Variants in AZIN2 observed in about 807,000 individuals in gnomAD.
AZIN2 encodes antizyme inhibitor 2.
In AZIN2, 28 loss-of-function variants were observed where a neutral mutation model predicts 47.8. The ratio of observed to expected loss-of-function variants is 0.59; its 90% CI spans 0.43 to 0.80. The LOEUF (loss-of-function observed/expected upper bound fraction) is 0.80. AZIN2 is among the 30% of genes least tolerant of loss of function. The pLI, the probability that AZIN2 is intolerant of heterozygous loss-of-function variation, is 0.00. For synonymous variants in AZIN2, 221 were observed against 239.4 expected (o/e 0.92, Z 0.71); for missense variants, 535 against 582.5 (o/e 0.92, Z 0.84).
chr1:33,165,332 C>CCAGA, the AZIN2 span: 1 of 707,640 alleles, frequency 1.4e-6, no homozygotes. The surrounding 1 kb of genome is among the most constrained non-coding windows in gnomAD (Gnocchi z 4.0). Context: ...CCCTGCCCTT[C>CCAGA]TCACTCCAGG....
At chr1:33,160,493 C>T in the AZIN2 span, among the ~76,000 whole-genome samples, 340 of 152,214 alleles carry the variant, frequency 2.2e-3, 3 homozygotes, top group East Asian at 0.037. Flanking sequence ...CAACCTCCAC[C>T]TCCTGGGTTC....
downstream of AZIN2, among the ~76,000 whole-genome samples, chr1:33,125,203 G>C (rs1330839961): frequency 6.6e-6 from 1 of 152,176 alleles, no homozygotes; most frequent in Non-Finnish European, 1.5e-5. Context: ...AGGGAACAAA[G>C]GGGAGGCAAG....
chr1:33,101,009 G>A (rs966827177), intron 10 of AZIN2, among the ~76,000 whole-genome samples: 1 of 151,976 alleles, frequency 6.6e-6, no homozygotes, highest in Non-Finnish European at 1.5e-5. Flanking sequence ...TTACAGGTGT[G>A]TGCCACCATG....
the AZIN2 span, among the ~76,000 whole-genome samples, chr1:33,162,455 A>C: frequency 6.6e-6 from 1 of 152,090 alleles, no homozygotes; most frequent in Non-Finnish European, 1.5e-5. Flanking sequence ...ATTGTCCCAC[A>C]TTTTCTGTCT....
At chr1:33,142,893 A>C in the AZIN2 span, 1 of 151,930 alleles carries the variant, frequency 6.6e-6, no homozygotes, top group African/African-American at 2.4e-5. Flanking sequence ...CCCTGCTCAA[A>C]CACTGAGATA....
At chr1:33,098,432 G>A (rs974897269) in intron 10 of AZIN2, among the ~76,000 whole-genome samples, 1 of 152,158 alleles carries the variant, frequency 6.6e-6, no homozygotes, top group Non-Finnish European at 1.5e-5. Context: ...TATATGGGGT[G>A]TAGCTCTTTC....
rs1350411569 is a variant in AZIN2 at position 33,093,310 on chromosome 1, T to C, written c.481T>C (p.Ser161Pro). ...KMVLCIATDDSHSLSCLSLKF... is the reference protein window; with the variant it reads ...KMVLCIATDDPHSLSCLSLKF... ...GGTTCTGTGCATTGCTACCGATGAC[T>C]CCCACTCCCTGAGCTGCCTGAGCCT... Residue 161 changes from serine to proline, a missense_variant, in exon 7 of 12, where the codon TCC (serine) becomes CCC (proline). This residue lies in a region of AZIN2 where 409 missense variants were observed against 429.0 expected (regional missense o/e 0.95). Coordinates refer to ENST00000294517, the MANE Select transcript of AZIN2 (RefSeq NM_052998.4). 6.2e-7 allele frequency: 1 copy of C among 1,613,902 alleles called. No individual in the cohort carries two copies. The highest frequency in any genetic ancestry group is 1.3e-5 in the African/African-American group (1 of 74,882).
chr1:33,145,194 G>A, the AZIN2 span, among the ~76,000 whole-genome samples: 16 of 152,206 alleles, frequency 1.1e-4, no homozygotes, highest in Non-Finnish European at 2.9e-5. Flanking sequence ...GGACAGGTTT[G>A]TGGTGTGGCA....
At chr1:33,106,364 T>G (rs913136575) in intron 10 of AZIN2, among the ~76,000 whole-genome samples, 2 of 152,194 alleles carry the variant, frequency 1.3e-5, no homozygotes, top group Admixed American at 6.5e-5. Context: ...ATACCAATCC[T>G]TCTGAAATGC....
At chr1:33,083,657 A>T (rs150991845) in intron 4 of AZIN2, 2 of 447,798 alleles carry the variant, frequency 4.5e-6, no homozygotes, top group Non-Finnish European at 8.3e-6. Flanking sequence ...AGGAGTGGGG[A>T]GGGTATTCTG....
At chr1:33,085,620 G>A (rs1197231690) in intron 5 of AZIN2, among the ~76,000 whole-genome samples, 1 of 152,216 alleles carries the variant, frequency 6.6e-6, no homozygotes. Flanking sequence ...CAGGATGACA[G>A]GGCTGGAGCG....
At chr1:33,117,644 T>C (rs998454117) in intron 10 of AZIN2, among the ~76,000 whole-genome samples, 4 of 152,120 alleles carry the variant, frequency 2.6e-5, no homozygotes, top group Admixed American at 2.0e-4. Context: ...AACTGAGACA[T>C]GGAGAGATTA....
the AZIN2 span, among the ~76,000 whole-genome samples, chr1:33,132,287 C>A: frequency 1.3e-5 from 2 of 152,208 alleles, no homozygotes; most frequent in African/African-American, 4.8e-5. Flanking sequence ...CTGTCAAGGG[C>A]CAGATAGTCA....
chr1:33,095,363 G>A (rs1421533402), intron 8 of AZIN2, among the ~76,000 whole-genome samples: 1 of 152,176 alleles, frequency 6.6e-6, no homozygotes, highest in Non-Finnish European at 1.5e-5. Context: ...CTCAGGATTT[G>A]TTAAATTATG....
intron 5 of AZIN2, among the ~76,000 whole-genome samples, chr1:33,087,447 T>A (rs12567659): frequency 0.28 from 42,462 of 149,718 alleles, 6,251 homozygotes; most frequent in South Asian, 0.38. Context: ...ATATATATAT[T>A]TTTTTTTGAG....
the AZIN2 span, chr1:33,158,508 C>G: frequency 1.6e-6 from 1 of 640,630 alleles, no homozygotes; most frequent in Non-Finnish European, 2.9e-6. Context: ...ATTCAAGTGC[C>G]TGCTTGTGCT....
intron 3 of AZIN2, 158 bp from the exon 4 acceptor site, chr1:33,082,020 A>G: frequency 1.8e-6 from 1 of 556,474 alleles, no homozygotes; most frequent in Middle Eastern, 4.9e-4. Context: ...TCTCCGTCTG[A>G]AATCCGGGAT....
In AZIN2 at chr1:33,120,181, G is replaced by A. The variant is rs896101946; in HGVS notation, c.1382G>A (p.Ter461=). 7 of 1,601,982 alleles carry A rather than the reference G, an allele frequency of 4.4e-6. No homozygotes were observed. Among genetic ancestry groups the A allele is most frequent in the Non-Finnish European group, 6.0e-6 (7 of 1,170,460 alleles). ...GPVFTPASIM[*] ...GTCTTCACCCCAGCGAGCATCATGT[G>A]AGTGGGCCTCGTTCCCCCCGGAGAA... The change falls in exon 12 of 12, where the codon TGA becomes TAA. Residue 461 remains the stop codon, a stop_retained_variant. Coordinates refer to ENST00000294517, the MANE Select transcript of AZIN2 (RefSeq NM_052998.4).
rs763680080 is a variant in AZIN2 at position 33,082,242 on chromosome 1, T to C, written c.-8T>C. The C allele has an allele frequency of 6.2e-7, 1 of 1,613,310 alleles. No individual in the cohort carries two copies. Among genetic ancestry groups the C allele is most frequent in the East Asian group, 2.2e-5 (1 of 44,856 alleles). ...CTCCATCCAGCCCGTCAGCTCCTCCTGCAAGGCATGGCTGGCTACCTGAGT... is the reference window on the plus strand; with the variant it reads ...CTCCATCCAGCCCGTCAGCTCCTCCCGCAAGGCATGGCTGGCTACCTGAGT... On this transcript the variant is annotated 5_prime_UTR_variant, in exon 4 of 12. Transcript: ENST00000294517.
Sources: allele counts gnomAD v4.1 joint callset (sites outside exome capture counted in the v4.1 genomes callset), GRCh38; gene constraint gnomAD v4.1.1; regional missense constraint gnomAD v4.1.1; non-coding constraint Gnocchi (gnomAD v3.1); transcripts MANE v1.5; gene names NCBI Gene and HGNC (gene_info 2026-07-23, HGNC 2026-07-21).